The following AHNAK variants were observed in gnomAD, a reference collection of about 807,000 sequenced individuals.
AHNAK encodes neuroblast differentiation-associated protein AHNAK.
AHNAK carries 23 observed loss-of-function variants against 37.8 expected under a neutral mutation model. The observed-to-expected ratio is 0.61, with a 90% confidence interval of 0.44 to 0.86. The LOEUF is 0.86. Ranked by LOEUF, AHNAK falls within the 40% of genes least tolerant of loss-of-function variation. The pLI is 0.00. For synonymous variants in AHNAK, 2,481 were observed against 2,636.3 expected (o/e 0.94, Z 1.80); for missense variants, 7,411 against 7,319.4 (o/e 1.01, Z -0.46).
Position 62,532,757 on chromosome 11 carries a change from C to A in AHNAK, c.1660G>T (p.Gly554Cys). ...ETPNLEGTLT[G>C]PRLGSPSGKT... is the part of the protein sequence containing the mutation. ...CCGGAAGGACTGCCAAGCCTAGGGC[C>A]TGTCAAGGTTCCCTCTAGGTTTGGT... The change falls in exon 5 of 5, where the codon GGC becomes TGC. Residue 554 changes from glycine to cysteine, a missense_variant. By Grantham distance (159) the Gly-to-Cys change is radical. Transcript: ENST00000378024. 1 of 1,614,146 alleles carries A rather than the reference C, an allele frequency of 6.2e-7. No individual in the cohort carries two copies. The highest frequency in any genetic ancestry group is 8.5e-7 in the Non-Finnish European group (1 of 1,180,024).
chr11:62,491,626 T>C (rs1315296033), intron 5 of AHNAK: 1 of 1,095,832 alleles, frequency 9.1e-7, no homozygotes, highest in African/African-American at 1.6e-5. Flanking sequence ...GCCATATCCT[T>C]CCACGTGTGG....
chr11:62,457,838 C>A (rs1342040416), intron 5 of AHNAK, among the ~76,000 whole-genome samples: 2 of 152,010 alleles, frequency 1.3e-5, no homozygotes, highest in Non-Finnish European at 2.9e-5. Flanking sequence ...GTACTATGCT[C>A]ACCACTTGGG....
chr11:62,525,333 G>A lies in AHNAK; in HGVS notation c.9084C>T (p.Pro3028=). The change falls in exon 5 of 5, where the codon CCC becomes CCT. Residue 3028 remains proline, a synonymous_variant. Coordinates refer to ENST00000378024, the MANE Select transcript of AHNAK (RefSeq NM_001620.3). ...CTTTGAAGCCAGGCATGCTGAATTT[G>A]GGCATTTTCACTTTGGGCATTTTTA... ...WHLKMPKVKM[P]KFSMPGFKGE... The A allele has an allele frequency of 6.2e-7, 1 of 1,612,946 alleles. No individual in the cohort carries two copies. Among genetic ancestry groups the A allele is most frequent in the Non-Finnish European group, 8.5e-7 (1 of 1,179,828 alleles).
In AHNAK at chr11:62,532,001, A is replaced by G. The variant is rs1270280799; in HGVS notation, c.2416T>C (p.Phe806Leu). The G allele has an allele frequency of 1.2e-6, 2 of 1,612,686 alleles. No homozygotes were observed. Among genetic ancestry groups the G allele is most frequent in the African/African-American group, 2.7e-5 (2 of 74,368 alleles). ...EPEGKLKGPK[F>L]KMPEMNIKVP... is the part of the protein sequence containing the mutation. Reference sequence around the variant, plus strand: ...TTGATGTTCATCTCAGGCATCTTAAACTTGGGCCCTTTCAATTTCCCTTCT... The same window carrying G: ...TTGATGTTCATCTCAGGCATCTTAAGCTTGGGCCCTTTCAATTTCCCTTCT... Residue 806 changes from phenylalanine to leucine, a missense_variant, in exon 5 of 5, where the codon TTT (phenylalanine) becomes CTT (leucine). By Grantham distance (22) the Phe-to-Leu change is conservative. Transcript: ENST00000378024.
intron 1 of AHNAK, chr11:62,542,106 T>C (rs905629914): frequency 1.3e-5 from 2 of 152,316 alleles, no homozygotes; most frequent in African/African-American, 4.8e-5. Context: ...CACATGCAAC[T>C]TGGGCACCTT....
chr11:62,480,998 G>T (rs577024685), intron 5 of AHNAK, among the ~76,000 whole-genome samples: 2 of 151,982 alleles, frequency 1.3e-5, no homozygotes, highest in African/African-American at 4.8e-5. Flanking sequence ...GATGAAACCC[G>T]AGGCGCTCCT....
Position 62,521,326 on chromosome 11 carries a change from G to A in AHNAK, c.13091C>T (p.Pro4364Leu). The A allele has an allele frequency of 6.2e-7, 1 of 1,613,668 alleles. No homozygotes were observed. Among genetic ancestry groups the A allele is most frequent in the Non-Finnish European group, 8.5e-7 (1 of 1,179,904 alleles). Reference protein sequence around the residue: ...IDAPDVSIEGPDAKLKGPKFK... With the variant: ...IDAPDVSIEGLDAKLKGPKFK... The stretch of plus-strand genomic sequence containing the variant: ...CTTTGGACCCTTGAGTTTTGCATCT[G>A]GACCTTCGATACTGACATCAGGGGC... Residue 4364 changes from proline (P) to leucine (L), a missense_variant, in exon 5 of 5, where the codon CCA (proline) becomes CTA (leucine). Pro to Leu is a moderately conservative substitution (Grantham distance 98). Transcript: ENST00000378024.
In AHNAK at chr11:62,529,152, C is replaced by T; in HGVS notation, c.5265G>A (p.Leu1755=). Residue 1755 remains leucine, a synonymous_variant, in exon 5 of 5, where the codon TTG becomes TTA. Transcript: ENST00000378024. ...GPSVDTDAPD[L]DIEGPEGKLK... Reference sequence around the variant, plus strand: ...ACTTTCCTTCTGGTCCCTCAATATCCAAATCAGGAGCATCAGTGTCCACAC... The same window carrying T: ...ACTTTCCTTCTGGTCCCTCAATATCTAAATCAGGAGCATCAGTGTCCACAC... 4 of 1,613,854 alleles carry T rather than the reference C, an allele frequency of 2.5e-6. No homozygotes were observed. Among genetic ancestry groups the T allele is most frequent in the Non-Finnish European group, 3.4e-6 (4 of 1,179,954 alleles).
At position 62,487,892 on chromosome 11, in the gene AHNAK, G is replaced by A. The variant is rs138026987; in HGVS notation, c.442+3840C>T. Among the ~76,000 whole-genome samples, 808 of 152,230 alleles carry A rather than the reference G, an allele frequency of 5.3e-3. 20 individuals carry two copies. Among genetic ancestry groups the A allele is most frequent in the Admixed American group, 0.043 (661 of 15,270 alleles). Reference sequence around the variant, plus strand: ...GTTTCTCACATGCCCGTGAAGTGATGTTTACACAAGACTCCAGCTTCAAAG... The same window carrying A: ...GTTTCTCACATGCCCGTGAAGTGATATTTACACAAGACTCCAGCTTCAAAG... On this transcript the variant is annotated intron_variant, in intron 5 of 5. Coordinates refer to the AHNAK transcript ENST00000257247.
At chr11:62,482,271 C>T (rs557795957) in intron 5 of AHNAK, among the ~76,000 whole-genome samples, 2 of 152,086 alleles carry the variant, frequency 1.3e-5, no homozygotes, top group East Asian at 1.9e-4. Context: ...AAAATTTATC[C>T]GGGCGTGGTG....
chr11:62,480,162 G>A (rs1939237703), intron 5 of AHNAK, among the ~76,000 whole-genome samples: 1 of 152,184 alleles, frequency 6.6e-6, no homozygotes, highest in South Asian at 2.1e-4. Context: ...GGACCCAGTG[G>A]CCAGCTGTCC....
rs763428770 is a variant in AHNAK, at chr11:62,528,081, G to C, written c.6336C>G (p.Phe2112Leu). The C allele has an allele frequency of 1.1e-5, 17 of 1,613,048 alleles. No homozygotes were observed. Among genetic ancestry groups the C allele is most frequent in the Non-Finnish European group, 1.4e-5 (17 of 1,179,778 alleles). ...CAGGCATGGAGATCTTGGGGGCCTT[G>C]AAGTGCATCTCAGGCATCTTAAGCT... ...GPKLKMPEMH[F>L]KAPKISMPDV... The change falls in exon 5 of 5, where the codon TTC becomes TTG. Residue 2112 changes from phenylalanine (F) to leucine (L), a missense_variant. By Grantham distance (22) the Phe-to-Leu change is conservative (BLOSUM62 0). Coordinates refer to ENST00000378024, the MANE Select transcript of AHNAK (RefSeq NM_001620.3).
Position 62,517,804 on chromosome 11 carries a change from G to A in AHNAK, c.16613C>T (p.Ala5538Val). 2 of 1,614,216 alleles carry A rather than the reference G, an allele frequency of 1.2e-6. No homozygotes were observed. The highest frequency in any genetic ancestry group is 1.7e-6 in the Non-Finnish European group (2 of 1,180,038). The change falls in exon 5 of 5, where the codon GCT (alanine) becomes GTT (valine). Residue 5538 changes from alanine to valine, a missense_variant. Physicochemically the swap from Ala to Val is moderately conservative, Grantham distance 64. Coordinates refer to ENST00000378024, the MANE Select transcript of AHNAK (RefSeq NM_001620.3). ...KGSEVGFHGA[A>V]PDISVKGPAF... ...AGGCCCCTTCACACTGATATCAGGA[G>A]CAGCCCCATGGAAACCTACTTCTGA...
At chr11:62,451,562 A>AC (rs1412182251) in intron 5 of AHNAK, among the ~76,000 whole-genome samples, 1 of 151,552 alleles carries the variant, frequency 6.6e-6, no homozygotes, top group Admixed American at 6.6e-5. Flanking sequence ...ACATGATAAA[A>AC]CCCCGTCTCT....
In AHNAK at chr11:62,520,938, T is replaced by G. The variant is rs149351029; in HGVS notation, c.13479A>C (p.Val4493=). 39 of 1,614,052 alleles carry G rather than the reference T, an allele frequency of 2.4e-5. No homozygotes were observed. In the Middle Eastern group the frequency reaches 4.9e-4, roughly 20 times the overall value. The part of the protein sequence containing the change: ...KVESDLKGPE[V]DIEGPEGKLK... ...GCTTCCCTTCAGGACCTTCAATGTC[T>G]ACCTCTGGCCCTTTCAGATCACTTT... is the stretch of plus-strand genomic sequence containing the variant. The change falls in exon 5 of 5, where the codon GTA becomes GTC. Residue 4493 remains valine (V), a synonymous_variant. Coordinates refer to ENST00000378024, the MANE Select transcript of AHNAK (RefSeq NM_001620.3).
chr11:62,486,351 T>A (rs1017193126), intron 5 of AHNAK, among the ~76,000 whole-genome samples: 1 of 151,944 alleles, frequency 6.6e-6, no homozygotes, highest in African/African-American at 2.4e-5. Flanking sequence ...CACATGCCTG[T>A]AATCCCAGCT....
chr11:62,535,214 A>C lies in AHNAK; in HGVS notation c.155-24T>G, dbSNP rs746337369. 4 of 1,596,364 alleles carry C rather than the reference A, an allele frequency of 2.5e-6. No homozygotes were observed. The South Asian group carries it at 4.4e-5, about 18-fold the overall frequency. On this transcript the variant is annotated intron_variant, in intron 3 of 4. Coordinates refer to ENST00000378024, the MANE Select transcript of AHNAK (RefSeq NM_001620.3). The stretch of plus-strand genomic sequence containing the variant: ...CCCTGAGCAGGGAAGAGCAGGAAGC[A>C]GGTAAGGCCCAAAGAGCCTCAGGGA...
In AHNAK at chr11:62,509,294, A is replaced by G. The variant is rs527512573; in HGVS notation, c.343-17463T>C. On this transcript the variant is annotated intron_variant, in intron 4 of 5. Coordinates refer to the AHNAK transcript ENST00000257247. ...AGATTAAAGAAATAAACAGCCGGGC[A>G]CGGTGGCTCACGCCTGTAATTCCAG... is the stretch of plus-strand genomic sequence containing the variant. Among the ~76,000 whole-genome samples the G allele has an allele frequency of 9.8e-5, 15 of 152,294 alleles. No homozygotes were observed. In the South Asian group the frequency reaches 3.1e-3, roughly 32 times the overall value.
chr11:62,518,718 G>A lies in AHNAK; in HGVS notation c.15699C>T (p.Phe5233=), dbSNP rs760428550. 14 of 1,614,176 alleles carry A rather than the reference G, an allele frequency of 8.7e-6. No homozygotes were observed. The highest frequency in any genetic ancestry group is 1.2e-5 in the Non-Finnish European group (14 of 1,180,032). The change falls in exon 5 of 5, where the codon TTC becomes TTT. Residue 5233 remains phenylalanine (F), a synonymous_variant. Transcript: ENST00000378024. ...CGATCTTGGGCATGGAAAACTTGGG[G>A]AACTTAATTTTTGCTTCTGGACCTT... ...DLQGPEAKIK[F]PKFSMPKIGI...
Sources: gnomAD v4.1 joint callset for allele counts (sites outside exome capture counted in the v4.1 genomes callset) on GRCh38, gnomAD v4.1.1 for gene constraint, MANE v1.5 for transcripts, NCBI Gene and HGNC (gene_info 2026-07-23, HGNC 2026-07-21) for gene names.